Variants in ZBBX observed in about 807,000 individuals in gnomAD.
The protein encoded by ZBBX is zinc finger B-box domain containing.
ZBBX carries 101 observed loss-of-function variants against 108.5 expected under a neutral mutation model. The observed-to-expected ratio is 0.93, with a 90% CI of 0.79 to 1.10. ZBBX has a LOEUF of 1.10. Ranked by LOEUF, ZBBX falls within the 50% of genes least tolerant of loss-of-function variation. ZBBX has a pLI of 0.00. For missense variants in ZBBX, 1,009 were observed against 941.4 expected, an observed-to-expected ratio of 1.07 and a Z score of -0.94; for synonymous variants, 356 against 323.4, an observed-to-expected ratio of 1.10 and a Z score of -1.08.
chr3:167,351,453 A>G (rs899991441), intron 8 of ZBBX, among the ~76,000 whole-genome samples: 1 of 152,162 alleles, frequency 6.6e-6, no homozygotes, highest in Non-Finnish European at 1.5e-5. Context: ...AGATGATGGG[A>G]GACACCAAGG....
the ZBBX span, among the ~76,000 whole-genome samples, chr3:167,217,680 C>A: frequency 1.3e-5 from 2 of 152,072 alleles, no homozygotes; most frequent in Admixed American, 1.3e-4. Flanking sequence ...CATTGCAGCA[C>A]TATTCACAAT....
intron 1 of ZBBX, among the ~76,000 whole-genome samples, chr3:167,404,146 C>G (rs1748508909): frequency 6.6e-6 from 1 of 151,832 alleles, no homozygotes; most frequent in African/African-American, 2.4e-5. Context: ...ATATGAATAG[C>G]CAACAAAGTA....
intron 8 of ZBBX, among the ~76,000 whole-genome samples, chr3:167,353,630 T>C (rs1257747769): frequency 6.6e-6 from 1 of 152,006 alleles, no homozygotes; most frequent in African/African-American, 2.4e-5. Flanking sequence ...ACAACTTCAC[T>C]TGTACCAACT....
At chr3:167,337,679 G>A (rs1461715669) in intron 9 of ZBBX, among the ~76,000 whole-genome samples, 1 of 151,876 alleles carries the variant, frequency 6.6e-6, no homozygotes, top group Non-Finnish European at 1.5e-5. Context: ...TTTCTTAAAT[G>A]GGCATATCGT....
intron 20 of ZBBX, among the ~76,000 whole-genome samples, chr3:167,277,403 G>T (rs1357901339): frequency 6.6e-6 from 1 of 151,244 alleles, no homozygotes; most frequent in Non-Finnish European, 1.5e-5. Flanking sequence ...GATAGAGGAA[G>T]ATCTACCAAG....
the ZBBX span, among the ~76,000 whole-genome samples, chr3:167,219,095 T>C: frequency 2.0e-5 from 3 of 151,862 alleles, no homozygotes; most frequent in East Asian, 1.9e-4. Flanking sequence ...ATATAACAAG[T>C]TTAATATGTT....
At chr3:167,247,027 G>A (rs191493814) in intron 20 of ZBBX, among the ~76,000 whole-genome samples, 3 of 152,276 alleles carry the variant, frequency 2.0e-5, no homozygotes, top group Admixed American at 2.0e-4. Flanking sequence ...GATAGAGAAA[G>A]GCAGGTCCCT....
chr3:167,386,783 T>C (rs200595174), intron 1 of ZBBX, among the ~76,000 whole-genome samples: 1 of 152,086 alleles, frequency 6.6e-6, no homozygotes, highest in East Asian at 1.9e-4. Context: ...TACTGTCTTC[T>C]TGAGATTTAT....
At chr3:167,349,930 T>TA (rs1399334364) in intron 9 of ZBBX, among the ~76,000 whole-genome samples, 1 of 151,994 alleles carries the variant, frequency 6.6e-6, no homozygotes, top group African/African-American at 2.4e-5. Context: ...AATCAATGAT[T>TA]ATATAAGGAT....
At chr3:167,180,348 T>C in the ZBBX span, among the ~76,000 whole-genome samples, 9 of 152,200 alleles carry the variant, frequency 5.9e-5, no homozygotes, top group Non-Finnish European at 1.3e-4. Context: ...TGATGTCCCA[T>C]AGTAATTTTT....
At chr3:167,216,647 A>T in the ZBBX span, among the ~76,000 whole-genome samples, 1 of 152,300 alleles carries the variant, frequency 6.6e-6, no homozygotes, top group East Asian at 1.9e-4. Context: ...GGAACAAAAA[A>T]AAGAGCCTGA....
At chr3:167,244,425 A>T (rs1721211892) in intron 20 of ZBBX, among the ~76,000 whole-genome samples, 1 of 152,226 alleles carries the variant, frequency 6.6e-6, no homozygotes, top group Non-Finnish European at 1.5e-5. Flanking sequence ...CCAGCAGGTG[A>T]GATATCCAAA....
intron 20 of ZBBX, among the ~76,000 whole-genome samples, chr3:167,266,706 G>A (rs1725563743): frequency 6.6e-6 from 1 of 152,222 alleles, no homozygotes; most frequent in African/African-American, 2.4e-5. Context: ...AATCTTGATT[G>A]ACGTGAGTGG....
chr3:167,383,847 G>C (rs949659437), upstream of ZBBX, among the ~76,000 whole-genome samples: 7 of 152,082 alleles, frequency 4.6e-5, no homozygotes, highest in African/African-American at 1.4e-4. Flanking sequence ...CTGTCCTTGA[G>C]TAATTCAAGT....
intron 12 of ZBBX, among the ~76,000 whole-genome samples, chr3:167,318,711 A>T (rs1216048132): frequency 6.6e-6 from 1 of 152,028 alleles, no homozygotes; most frequent in African/African-American, 2.4e-5. Context: ...TTAAAATTTG[A>T]ATAAATTTGT....
At chr3:167,405,402 A>T (rs950172824) in intron 1 of ZBBX, among the ~76,000 whole-genome samples, 5 of 152,188 alleles carry the variant, frequency 3.3e-5, no homozygotes, top group Admixed American at 2.0e-4. Context: ...AACCAGAAAA[A>T]GTGTGTCATA....
At chr3:167,335,508 T>G (rs1739404173) in intron 9 of ZBBX, among the ~76,000 whole-genome samples, 1 of 151,972 alleles carries the variant, frequency 6.6e-6, no homozygotes, top group African/African-American at 2.4e-5. Flanking sequence ...GAACTTGGCA[T>G]GAGGAAGACA....
chr3:167,326,909 AT>A (rs1737490263), intron 11 of ZBBX, among the ~76,000 whole-genome samples: 1 of 152,070 alleles, frequency 6.6e-6, no homozygotes, highest in African/African-American at 2.4e-5. Context: ...TGGAAAAAAA[AT>A]GAAATAAAAA....
At chr3:167,278,840 A>G (rs1461875383) in intron 20 of ZBBX, among the ~76,000 whole-genome samples, 29 of 151,552 alleles carry the variant, frequency 1.9e-4, no homozygotes, top group Non-Finnish European at 1.5e-5. Context: ...ACATTGATGC[A>G]AAAATCCTCA....
Sources: allele counts gnomAD v4.1 joint callset (sites outside exome capture counted in the v4.1 genomes callset), GRCh38; gene constraint gnomAD v4.1.1; transcripts MANE v1.5; gene names NCBI Gene and HGNC (gene_info 2026-07-23, HGNC 2026-07-21).